Variants in FBXL13 observed in about 807,000 individuals in gnomAD.
FBXL13 encodes F-box and leucine-rich repeat protein 13.
FBXL13 carries 67 observed loss-of-function variants against 83.6 expected under a neutral mutation model. The ratio of observed to expected loss-of-function variants is 0.80; its 90% CI spans 0.66 to 0.98. FBXL13 has a LOEUF of 0.98. Among genes scored for constraint, FBXL13 ranks in the 50% least tolerant of loss-of-function variants. The pLI, the probability that FBXL13 is intolerant of heterozygous loss-of-function variation, is 0.00. For synonymous variants in FBXL13, 272 were observed against 299.5 expected (o/e 0.91, Z 0.95); for missense variants, 822 against 866.5 (o/e 0.95, Z 0.64).
At chr7:103,024,174 A>AGAGAGAGAGAGG (rs1793571604) in intron 6 of FBXL13, among the ~76,000 whole-genome samples, 1 of 146,374 alleles carries the variant, frequency 6.8e-6, no homozygotes, top group Non-Finnish European at 1.5e-5. Flanking sequence ...AGAGAGAGAG[A>AGAGAGAGAGAGG]GAGAGAGAGA....
chr7:102,852,361 A>G (rs1179598505), intron 17 of FBXL13, among the ~76,000 whole-genome samples: 1 of 152,134 alleles, frequency 6.6e-6, no homozygotes, highest in African/African-American at 2.4e-5. Context: ...AAAAAGTTTC[A>G]GCACAGCAAA....
At chr7:102,925,231 A>C (rs1174775023) in intron 10 of FBXL13, among the ~76,000 whole-genome samples, 1 of 151,284 alleles carries the variant, frequency 6.6e-6, no homozygotes, top group East Asian at 2.0e-4. Flanking sequence ...CCATCTCTAC[A>C]GAAAAATACA....
At chr7:102,907,590 G>C (rs143808539) in intron 11 of FBXL13, among the ~76,000 whole-genome samples, 3,262 of 151,906 alleles carry the variant, frequency 0.021, 49 homozygotes, top group Non-Finnish European at 0.032. Context: ...CTGTCCTTGC[G>C]ATAGTTTGCT....
chr7:103,004,587 A>G (rs571008478), intron 6 of FBXL13, among the ~76,000 whole-genome samples: 1 of 152,300 alleles, frequency 6.6e-6, no homozygotes, highest in East Asian at 1.9e-4. Flanking sequence ...TTCCTTCACA[A>G]GAACAGTTTT....
intron 2 of FBXL13, among the ~76,000 whole-genome samples, chr7:103,034,955 T>C (rs1794928468): frequency 6.6e-6 from 1 of 152,202 alleles, no homozygotes; most frequent in Non-Finnish European, 1.5e-5. Flanking sequence ...TCAAAGCTGG[T>C]GGGAAAACGA....
chr7:102,820,234 C>T (rs542316861), intron 19 of FBXL13, among the ~76,000 whole-genome samples: 3 of 152,190 alleles, frequency 2.0e-5, no homozygotes, highest in Admixed American at 2.0e-4. Flanking sequence ...CTTTAGACAA[C>T]GAAGTGCACA....
At chr7:102,943,126 A>G (rs1423993918) in intron 8 of FBXL13, among the ~76,000 whole-genome samples, 1 of 152,178 alleles carries the variant, frequency 6.6e-6, no homozygotes, top group Non-Finnish European at 1.5e-5. Flanking sequence ...AATGTGGAAA[A>G]ATTGTTTTTG....
chr7:103,016,803 T>C (rs922934501), intron 6 of FBXL13, among the ~76,000 whole-genome samples: 13 of 152,224 alleles, frequency 8.5e-5, no homozygotes, highest in South Asian at 2.1e-4. Flanking sequence ...TGCTGAGGCT[T>C]GAGTAGGTAA....
intron 16 of FBXL13, among the ~76,000 whole-genome samples, chr7:102,863,163 A>G (rs1807102904): frequency 6.6e-6 from 1 of 152,246 alleles, no homozygotes; most frequent in Admixed American, 6.5e-5. Flanking sequence ...TCTGTGAAAG[A>G]TGAATGCTCA....
chr7:102,819,566 CT>C (rs1798516467), intron 19 of FBXL13, among the ~76,000 whole-genome samples: 1 of 152,172 alleles, frequency 6.6e-6, no homozygotes, highest in Non-Finnish European at 1.5e-5. Flanking sequence ...ATAAAACAGC[CT>C]CTTCTGACGG....
chr7:102,862,797 A>G (rs991363293), intron 16 of FBXL13, among the ~76,000 whole-genome samples: 3 of 152,158 alleles, frequency 2.0e-5, no homozygotes, highest in Non-Finnish European at 2.9e-5. Flanking sequence ...TTCTCATGAT[A>G]TTACTCTGAC....
At chr7:102,978,714 T>TA (rs1313465948) in intron 6 of FBXL13, 1 of 198,998 alleles carries the variant, frequency 5.0e-6, no homozygotes, top group Non-Finnish European at 1.1e-5. Context: ...TTTGAACTGA[T>TA]ACAAGAATCC....
At chr7:102,927,730 T>G (rs866377133) in intron 9 of FBXL13, among the ~76,000 whole-genome samples, 20 of 152,324 alleles carry the variant, frequency 1.3e-4, no homozygotes, top group Middle Eastern at 3.4e-3. Context: ...ACTACAGTAT[T>G]CAAGCTGTCA....
chr7:102,906,529 G>T (rs1427600031), intron 11 of FBXL13, among the ~76,000 whole-genome samples: 1 of 152,104 alleles, frequency 6.6e-6, no homozygotes, highest in Non-Finnish European at 1.5e-5. Context: ...ATTTCTTGTA[G>T]GACAGGACAG....
intron 2 of FBXL13, among the ~76,000 whole-genome samples, chr7:103,051,569 C>T (rs185501042): frequency 4.0e-4 from 61 of 152,210 alleles, no homozygotes; most frequent in East Asian, 1.7e-3. Context: ...CTCCTGGGGT[C>T]GCTAGAAGCT....
chr7:102,947,713 T>A (rs184947666), intron 8 of FBXL13, among the ~76,000 whole-genome samples: 2 of 152,066 alleles, frequency 1.3e-5, no homozygotes, highest in Non-Finnish European at 2.9e-5. Flanking sequence ...TATTTTACAG[T>A]AGTAAAAAAT....
chr7:102,845,406 G>T (rs1803757836), intron 17 of FBXL13, among the ~76,000 whole-genome samples: 1 of 152,198 alleles, frequency 6.6e-6, no homozygotes, highest in South Asian at 2.1e-4. Flanking sequence ...TGCCAGGACT[G>T]TGGATAAAGA....
At chr7:102,861,345 C>G (rs1192339729) in intron 16 of FBXL13, among the ~76,000 whole-genome samples, 1 of 151,516 alleles carries the variant, frequency 6.6e-6, no homozygotes, top group Non-Finnish European at 1.5e-5. Flanking sequence ...GGGTCTAGGC[C>G]AGTTATTATG....
chr7:102,954,894 A>G (rs978486668), intron 8 of FBXL13, among the ~76,000 whole-genome samples: 1 of 152,212 alleles, frequency 6.6e-6, no homozygotes, highest in African/African-American at 2.4e-5. Flanking sequence ...TCATAAAACA[A>G]GTCTGTAGAG....
Sources: gnomAD v4.1 joint callset for allele counts (sites outside exome capture counted in the v4.1 genomes callset) on GRCh38, gnomAD v4.1.1 for gene constraint, MANE v1.5 for transcripts, NCBI Gene and HGNC (gene_info 2026-07-23, HGNC 2026-07-21) for gene names.